BACH2: variants seen among roughly 807,000 people sequenced by gnomAD.
BACH2 encodes transcription regulator protein BACH2.
Under a neutral mutation model 61.8 loss-of-function variants are expected in BACH2, and 5 were observed. That is an observed-to-expected ratio of 0.08 (90% CI 0.04 to 0.17). BACH2 has a LOEUF of 0.17. BACH2 is among the 10% of genes least tolerant of loss of function. The probability of loss-of-function intolerance (pLI) is 1.00; values close to 1 mark genes in which losing one functional copy is unlikely to be tolerated. For missense variants in BACH2, 824 were observed against 1,091.1 expected, an observed-to-expected ratio of 0.76 and a Z score of 3.45; for synonymous variants, 446 against 440.1, an observed-to-expected ratio of 1.01 and a Z score of -0.17.
intron 5 of BACH2, among the ~76,000 whole-genome samples, chr6:90,086,760 G>A (rs1432884407): frequency 6.6e-6 from 1 of 152,180 alleles, no homozygotes; most frequent in Non-Finnish European, 1.5e-5. Context: ...GGAGATCTGC[G>A]GAGTGGCAGA....
chr6:89,947,239 C>T (rs1368447305), intron 7 of BACH2, among the ~76,000 whole-genome samples: 1 of 152,124 alleles, frequency 6.6e-6, no homozygotes, highest in African/African-American at 2.4e-5. Context: ...TGGATCAGTT[C>T]AGGAAAACAA....
intron 1 of BACH2, among the ~76,000 whole-genome samples, chr6:90,286,025 T>C (rs1186314003): frequency 2.0e-5 from 3 of 152,206 alleles, no homozygotes; most frequent in Non-Finnish European, 4.4e-5. Flanking sequence ...TAACAACTAA[T>C]AATAATTAAT....
chr6:89,963,285 TTTTA>T (rs532484391), intron 6 of BACH2, among the ~76,000 whole-genome samples: 157 of 152,232 alleles, frequency 1.0e-3, no homozygotes, highest in Non-Finnish European at 1.9e-3. Context: ...CTGTTTTATT[TTTTA>T]TTTTTCTTGT....
intron 4 of BACH2, among the ~76,000 whole-genome samples, chr6:90,182,734 G>T (rs1234218716): frequency 3.3e-5 from 5 of 152,194 alleles, no homozygotes; most frequent in African/African-American, 1.2e-4. Context: ...ACAAGGCCAA[G>T]AATCCCTTGC....
chr6:89,977,147 C>T (rs928231626), intron 6 of BACH2, among the ~76,000 whole-genome samples: 2 of 152,252 alleles, frequency 1.3e-5, no homozygotes, highest in African/African-American at 2.4e-5. Flanking sequence ...CCTTATCCTA[C>T]TGAAAGTACA....
At chr6:90,120,772 T>C (rs2127819643) in intron 4 of BACH2, among the ~76,000 whole-genome samples, 1 of 152,320 alleles carries the variant, frequency 6.6e-6, no homozygotes, top group South Asian at 2.1e-4. Flanking sequence ...TACTGACCAA[T>C]ACTGTGGTCA....
chr6:89,931,098 C>T lies in BACH2; in HGVS notation c.*1310G>A, dbSNP rs1034345620. Reference sequence around the variant, plus strand: ...CACTTCCAAGAGCAAGCCGAGGCCTCAGGACGTGTTGAAATGAATGGGACT... The same window carrying T: ...CACTTCCAAGAGCAAGCCGAGGCCTTAGGACGTGTTGAAATGAATGGGACT... On this transcript the variant is annotated 3_prime_UTR_variant, in exon 9 of 9. Coordinates refer to ENST00000257749, the MANE Select transcript of BACH2 (RefSeq NM_021813.4). 6.6e-6 allele frequency: 1 copy of T among 152,378 alleles called. No individual in the cohort carries two copies. The highest frequency in any genetic ancestry group is 1.5e-5 in the Non-Finnish European group (1 of 68,046). The allele number at this position is 152,378 out of a possible 1,614,324, so 9.4% of individuals were successfully genotyped here. A position where few individuals can be genotyped will look rare whatever the true frequency, so the allele number is the denominator to read the frequency against.
intron 4 of BACH2, among the ~76,000 whole-genome samples, chr6:90,200,199 A>AT (rs1218110026): frequency 2.0e-5 from 3 of 152,196 alleles, no homozygotes; most frequent in Admixed American, 6.5e-5. Context: ...TAGTATTATT[A>AT]TAAAAATGGC....
chr6:90,013,937 C>T (rs555698513), intron 5 of BACH2, among the ~76,000 whole-genome samples: 39 of 152,178 alleles, frequency 2.6e-4, no homozygotes, highest in African/African-American at 9.2e-4. Context: ...CACCACCATA[C>T]CTGGCTAATT....
intron 7 of BACH2, among the ~76,000 whole-genome samples, chr6:89,941,553 C>T (rs1348151912): frequency 6.6e-6 from 1 of 152,134 alleles, no homozygotes; most frequent in African/African-American, 2.4e-5. Context: ...GGCCTTTGTG[C>T]ACGGGGCTGT....
chr6:90,153,137 T>C (rs559693008), intron 4 of BACH2, among the ~76,000 whole-genome samples: 11 of 152,140 alleles, frequency 7.2e-5, no homozygotes, highest in Non-Finnish European at 1.5e-4. Context: ...TAAGGAGGAA[T>C]TGGTTCTAAT....
rs547704753 is a variant in BACH2, at chr6:89,950,019, A to C, written c.1836+251T>G. ...ATGCATTAGACTTCAGTATATTTTT[A>C]CTCAGCAGCTTGCCTCTGCTTGTCG... is the stretch of plus-strand genomic sequence containing the variant. On this transcript the variant is annotated intron_variant, in intron 7 of 8. Coordinates refer to ENST00000257749, the MANE Select transcript of BACH2 (RefSeq NM_021813.4). This position sits in a 1 kb window ranked among gnomAD's most constrained non-coding sequence, Gnocchi z 5.3. The C allele has an allele frequency of 5.3e-5, 29 of 544,064 alleles. No homozygotes were observed. Among genetic ancestry groups the C allele is most frequent in the African/African-American group, 5.3e-4 (28 of 52,782 alleles). The allele number at this position is 544,064 out of a possible 1,614,324, so 33.7% of individuals were successfully genotyped here.
intron 4 of BACH2, among the ~76,000 whole-genome samples, chr6:90,124,338 C>T (rs1783760464): frequency 6.6e-6 from 1 of 152,144 alleles, no homozygotes. Context: ...AAGTAAATAT[C>T]CAGATTCACC....
chr6:90,162,228 T>C lies in BACH2; in HGVS notation c.-162+44341A>G, dbSNP rs776602145. Among the ~76,000 whole-genome samples, 12 of 152,358 alleles carry C rather than the reference T, an allele frequency of 7.9e-5. No homozygotes were observed. The South Asian group carries it at 8.3e-4, about 11-fold the overall frequency. ...TAAATGTTGAATAAGTCAATGAGCATAGGACTAAATTTATTTAAATTACTA... is the reference window on the plus strand; with the variant it reads ...TAAATGTTGAATAAGTCAATGAGCACAGGACTAAATTTATTTAAATTACTA... On this transcript the variant is annotated intron_variant, in intron 4 of 8. Transcript: ENST00000257749.
Position 90,235,514 on chromosome 6 carries a change from T to C in BACH2, c.-275+16999A>G, listed in dbSNP as rs960025260. On this transcript the variant is annotated intron_variant, in intron 3 of 8. Transcript: ENST00000257749. ...GGATGTTGTAAAAGTCAGTGATCTA[T>C]AGAGAAATGCCCTTCAACTAAAAAA... is the stretch of plus-strand genomic sequence containing the variant. Among the ~76,000 whole-genome samples the C allele has an allele frequency of 2.6e-5, 4 of 152,150 alleles. No homozygotes were observed. The East Asian group carries it at 7.7e-4, about 29-fold the overall frequency.
chr6:90,118,011 T>C (rs1291085310), intron 4 of BACH2, among the ~76,000 whole-genome samples: 1 of 152,214 alleles, frequency 6.6e-6, no homozygotes, highest in East Asian at 1.9e-4. Flanking sequence ...CAGTGTTTAT[T>C]GACTATAATA....
chr6:89,943,353 T>C (rs1047472524), intron 7 of BACH2, among the ~76,000 whole-genome samples: 2 of 152,136 alleles, frequency 1.3e-5, no homozygotes, highest in Admixed American at 6.5e-5. Flanking sequence ...ACGACCATTC[T>C]TCAGCCTAAA....
At chr6:90,218,092 G>C (rs1476928183) in intron 3 of BACH2, 1 of 152,066 alleles carries the variant, frequency 6.6e-6, no homozygotes, top group Non-Finnish European at 1.5e-5. Context: ...CAATTTTCCT[G>C]TTCTCCCTCC....
intron 4 of BACH2, among the ~76,000 whole-genome samples, chr6:90,175,180 T>G (rs1171829252): frequency 6.6e-6 from 1 of 152,148 alleles, no homozygotes; most frequent in Non-Finnish European, 1.5e-5. Flanking sequence ...TAGAAATGCA[T>G]TTTAAAGTCA....
Sources: allele counts gnomAD v4.1 joint callset (sites outside exome capture counted in the v4.1 genomes callset), GRCh38; gene constraint gnomAD v4.1.1; non-coding constraint Gnocchi (gnomAD v3.1); transcripts MANE v1.5; gene names NCBI Gene and HGNC (gene_info 2026-07-23, HGNC 2026-07-21).